The following UBR3 variants were observed in gnomAD, a reference collection of about 807,000 sequenced individuals.
UBR3 encodes E3 ubiquitin-protein ligase UBR3.
In UBR3, 85 loss-of-function variants were observed where a neutral mutation model predicts 243.2. That is an observed-to-expected ratio of 0.35 (90% CI 0.29 to 0.42). The LOEUF is 0.42. UBR3 is among the 10% of genes least tolerant of loss of function. UBR3 has a pLI of 1.00. For missense variants in UBR3, 1,686 were observed against 2,300.8 expected (o/e 0.73, Z 5.47); for synonymous variants, 748 against 799.8 (o/e 0.94, Z 1.09).
intron 1 of UBR3, among the ~76,000 whole-genome samples, chr2:169,838,638 G>A (rs374683079): frequency 2.0e-5 from 3 of 152,140 alleles, no homozygotes; most frequent in Admixed American, 6.6e-5. Context: ...GGGGACACAC[G>A]TTCAGACTGG....
chr2:169,964,047 A>C (rs918013872), intron 24 of UBR3, among the ~76,000 whole-genome samples: 11 of 152,188 alleles, frequency 7.2e-5, no homozygotes, highest in Admixed American at 1.3e-4. Context: ...CTACAAAACA[A>C]AGAAAATAGC....
chr2:169,861,004 T>C (rs1330628193), intron 1 of UBR3, among the ~76,000 whole-genome samples: 1 of 152,156 alleles, frequency 6.6e-6, no homozygotes, highest in Non-Finnish European at 1.5e-5. Flanking sequence ...GTATCTGATG[T>C]TCAAGGGCAG....
At chr2:170,021,055 G>GC in intron 30 of UBR3, among the ~76,000 whole-genome samples, 1 of 152,216 alleles carries the variant, frequency 6.6e-6, no homozygotes, top group Middle Eastern at 3.4e-3. Flanking sequence ...AAAGGATGGT[G>GC]ATATTAAAAG....
Position 169,947,557 on chromosome 2 carries a change from C to G in UBR3, c.2926C>G (p.Pro976Ala). The G allele has an allele frequency of 6.7e-7, 1 of 1,502,622 alleles. No individual in the cohort carries two copies. The highest frequency in any genetic ancestry group is 8.9e-7 in the Non-Finnish European group (1 of 1,124,984). 93.1% of individuals were successfully genotyped at this position (1,502,622 alleles called of 1,614,324 possible). A position where few individuals can be genotyped will look rare whatever the true frequency, so the allele number is the denominator to read the frequency against. The change falls in exon 22 of 39, where the codon CCA (proline) becomes GCA (alanine). Residue 976 changes from proline to alanine, a missense_variant. By Grantham distance (27) the Pro-to-Ala change is conservative. Transcript: ENST00000272793. ...ESDEEASVGGPERCHDSWFPG... is the reference protein window; with the variant it reads ...ESDEEASVGGAERCHDSWFPG... ...TTTATTTTAGGCATCAGTGGGTGGA[C>G]CAGAACGTTGTCATGACAGTTGGTT...
At chr2:169,900,805 C>T (rs899515460) in intron 8 of UBR3, among the ~76,000 whole-genome samples, 1 of 151,840 alleles carries the variant, frequency 6.6e-6, no homozygotes, top group South Asian at 2.1e-4. Flanking sequence ...TTACCTACCT[C>T]ATTTTAATGT....
intron 8 of UBR3, among the ~76,000 whole-genome samples, chr2:169,900,485 T>C (rs2084776946): frequency 6.6e-6 from 1 of 152,218 alleles, no homozygotes; most frequent in African/African-American, 2.4e-5. Flanking sequence ...GTGCAGAAGC[T>C]CTTTAGTTTA....
At chr2:170,067,821 G>A (rs528583749) in intron 35 of UBR3, among the ~76,000 whole-genome samples, 2 of 150,188 alleles carry the variant, frequency 1.3e-5, no homozygotes, top group Admixed American at 6.7e-5. Flanking sequence ...CCAGGCTCGA[G>A]GGCAGTGGTG....
At chr2:169,983,930 A>G (rs944832813) in intron 24 of UBR3, among the ~76,000 whole-genome samples, 4 of 152,354 alleles carry the variant, frequency 2.6e-5, no homozygotes, top group Middle Eastern at 3.4e-3. Context: ...AATTGAACTG[A>G]AAGTTAAAGT....
intron 32 of UBR3, among the ~76,000 whole-genome samples, chr2:170,042,851 G>A (rs2091001654): frequency 6.6e-6 from 1 of 151,404 alleles, no homozygotes; most frequent in Non-Finnish European, 1.5e-5. Flanking sequence ...TTACTTTTTT[G>A]GGGGGTTAGA....
chr2:169,852,341 A>G (rs528275724), intron 1 of UBR3, among the ~76,000 whole-genome samples: 4 of 152,194 alleles, frequency 2.6e-5, no homozygotes, highest in African/African-American at 9.7e-5. Flanking sequence ...CTATGGCTTT[A>G]CATGCTTTTG....
intron 24 of UBR3, among the ~76,000 whole-genome samples, chr2:169,959,880 A>G (rs893569170): frequency 3.0e-4 from 46 of 152,314 alleles, no homozygotes; most frequent in African/African-American, 1.1e-3. Flanking sequence ...GCATGATGCC[A>G]CAAGTGGAAA....
chr2:170,033,156 TA>T (rs1437573369), intron 31 of UBR3, among the ~76,000 whole-genome samples: 1 of 152,080 alleles, frequency 6.6e-6, no homozygotes, highest in Admixed American at 6.6e-5. Flanking sequence ...TAGTATTGAC[TA>T]ATTAAAAAGC....
intron 1 of UBR3, among the ~76,000 whole-genome samples, chr2:169,829,533 C>T (rs1409706535): frequency 6.6e-6 from 1 of 150,782 alleles, no homozygotes; most frequent in African/African-American, 2.4e-5. Context: ...AAGCGATTCT[C>T]CTGCCTCAGC....
In UBR3 at chr2:170,077,596, A is replaced by G. The variant is rs2091837372; in HGVS notation, c.5200-2218A>G. 5 of 518,204 alleles carry G rather than the reference A, an allele frequency of 9.6e-6. No individual in the cohort carries two copies. The South Asian group carries it at 1.0e-4, about 11-fold the overall frequency. 32.1% of individuals were successfully genotyped at this position (518,204 alleles called of 1,614,324 possible). On this transcript the variant is annotated intron_variant, in intron 36 of 38. Coordinates refer to ENST00000272793, the MANE Select transcript of UBR3 (RefSeq NM_172070.4). Reference sequence around the variant, plus strand: ...CTGCGTCTTTCTCTTTCCTGTTGGAATAACTTTGAGACAGAGTCTCACTCT... The same window carrying G: ...CTGCGTCTTTCTCTTTCCTGTTGGAGTAACTTTGAGACAGAGTCTCACTCT...
At chr2:169,872,515 G>T in intron 2 of UBR3, 140 bp downstream of exon 2, 1 of 603,142 alleles carries the variant, frequency 1.7e-6, no homozygotes. Flanking sequence ...AATACGGATT[G>T]AATAGAAACA....
intron 11 of UBR3, among the ~76,000 whole-genome samples, chr2:169,923,135 A>G (rs559477821): frequency 6.6e-6 from 1 of 152,312 alleles, no homozygotes; most frequent in African/African-American, 2.4e-5. Context: ...TTTAAAATAC[A>G]GTTTTTGTAA....
At chr2:169,938,680 G>T (rs147621490) in intron 19 of UBR3, among the ~76,000 whole-genome samples, 1 of 151,894 alleles carries the variant, frequency 6.6e-6, no homozygotes, top group Non-Finnish European at 1.5e-5. Flanking sequence ...TTTCCTGTTT[G>T]TTGCCTAAAT....
In UBR3 at chr2:170,081,833, A is replaced by G; in HGVS notation, c.5657A>G (p.Asn1886Ser). ...AATAAAAGATGGGGTCCACATTACA[A>G]TGGGCTGTGACTCTCCACCTCAGCA... The part of the protein sequence containing the change: ...HINKRWGPHY[N>S]GL The change falls in exon 39 of 39, where the codon AAT (asparagine) becomes AGT (serine). Residue 1886 changes from asparagine to serine, a missense_variant. By Grantham distance (46) the Asn-to-Ser change is conservative (BLOSUM62 1). Transcript: ENST00000272793. The G allele has an allele frequency of 1.3e-6, 2 of 1,596,750 alleles. No homozygotes were observed. The highest frequency in any genetic ancestry group is 1.7e-5 in the Admixed American group (1 of 58,414).
chr2:169,872,363 T>C lies in UBR3; in HGVS notation c.673T>C (p.Tyr225His). The C allele has an allele frequency of 6.8e-7, 1 of 1,473,302 alleles. No individual in the cohort carries two copies. Among genetic ancestry groups the C allele is most frequent in the Non-Finnish European group, 9.2e-7 (1 of 1,091,182 alleles). The allele number at this position is 1,473,302 out of a possible 1,614,324, so 91.3% of individuals were successfully genotyped here. The change falls in exon 2 of 39, where the codon TAT (tyrosine) becomes CAT (histidine). Residue 225 changes from tyrosine (Y) to histidine (H), a missense_variant. Around this residue, in one of 8 missense-constraint regions of UBR3, gnomAD observed 200 missense variants for 231.6 expected, o/e 0.86. Transcript: ENST00000272793. ...FCLIQYLREG[Y>H]NEPAADGPSE... ...TCTTATTCAGTACTTAAGAGAAGGC[T>C]ATAATGAACCAGGTATGTTTTAATC... is the stretch of plus-strand genomic sequence containing the variant.
Sources: allele counts gnomAD v4.1 joint callset (sites outside exome capture counted in the v4.1 genomes callset), GRCh38; gene constraint gnomAD v4.1.1; regional missense constraint gnomAD v4.1.1; transcripts MANE v1.5; gene names NCBI Gene and HGNC (gene_info 2026-07-23, HGNC 2026-07-21).